Variants in NUCB2 observed in about 807,000 individuals in gnomAD.
The protein encoded by NUCB2 is nucleobindin 2.
In NUCB2, 48 loss-of-function variants were observed where a neutral mutation model predicts 57.9. That is an observed-to-expected ratio of 0.83 (90% CI 0.66 to 1.05). NUCB2 has a LOEUF of 1.05. Ranked by LOEUF, NUCB2 falls within the 50% of genes least tolerant of loss-of-function variation. The pLI is 0.00. For missense variants in NUCB2, 442 were observed against 476.2 expected (o/e 0.93, Z 0.67); for synonymous variants, 139 against 152.1 (o/e 0.91, Z 0.64).
chr11:17,312,219 A>G (rs935103638), intron 10 of NUCB2, 99 bp downstream of exon 10: 4 of 739,268 alleles, frequency 5.4e-6, no homozygotes, highest in Non-Finnish European at 8.7e-6. Flanking sequence ...TTGTATTTAA[A>G]TGGAGTTTGC....
chr11:17,306,173 G>T (rs1413984058), intron 5 of NUCB2, among the ~76,000 whole-genome samples: 1 of 152,062 alleles, frequency 6.6e-6, no homozygotes, highest in African/African-American at 2.4e-5. Context: ...TTTCAAGCTG[G>T]TTCATGTGTC....
intron 5 of NUCB2, among the ~76,000 whole-genome samples, chr11:17,304,057 G>A (rs1403070336): frequency 6.6e-6 from 1 of 152,058 alleles, no homozygotes; most frequent in Non-Finnish European, 1.5e-5. Flanking sequence ...ATCATACTTA[G>A]TGGGGAAGCA....
chr11:17,319,798 G>A (rs551814118), intron 11 of NUCB2, among the ~76,000 whole-genome samples: 1 of 152,060 alleles, frequency 6.6e-6, no homozygotes, highest in African/African-American at 2.4e-5. Context: ...ATAAACTTGT[G>A]TCATGGGGTT....
chr11:17,288,950 C>CACACACACACACAT (rs1944414979), intron 2 of NUCB2, among the ~76,000 whole-genome samples: 3 of 33,160 alleles, frequency 9.0e-5, no homozygotes, highest in African/African-American at 2.4e-4. Flanking sequence ...CACACACACA[C>CACACACACACACAT]ATATATATAT....
intron 2 of NUCB2, among the ~76,000 whole-genome samples, chr11:17,287,009 A>G (rs1382952803): frequency 6.6e-6 from 1 of 152,162 alleles, no homozygotes; most frequent in African/African-American, 2.4e-5. Flanking sequence ...TTATGTCTAG[A>G]ATAAGCACTA....
intron 3 of NUCB2, 94 bp from the exon 4 acceptor site, chr11:17,296,010 C>T: frequency 1.9e-5 from 11 of 591,268 alleles, no homozygotes; most frequent in South Asian, 5.4e-5. Flanking sequence ...GTCTTAATGC[C>T]ATTTTGCTAG....
intron 4 of NUCB2, among the ~76,000 whole-genome samples, chr11:17,300,092 C>T (rs1946451401): frequency 2.6e-5 from 4 of 151,958 alleles, no homozygotes; most frequent in Non-Finnish European, 5.9e-5. Context: ...CTTACTACAA[C>T]CTCCACCTTC....
At chr11:17,284,190 G>A (rs1017248595) in intron 2 of NUCB2, among the ~76,000 whole-genome samples, 1 of 152,130 alleles carries the variant, frequency 6.6e-6, no homozygotes, top group South Asian at 2.1e-4. Flanking sequence ...ACTAATTTTT[G>A]TATTTTTAGT....
At chr11:17,323,744 C>T (rs1950321053) in intron 11 of NUCB2, among the ~76,000 whole-genome samples, 1 of 152,034 alleles carries the variant, frequency 6.6e-6, no homozygotes, top group African/African-American at 2.4e-5. Flanking sequence ...GCCTTGATTT[C>T]ATTACTTGTT....
chr11:17,276,756 C>G lies in NUCB2; in HGVS notation c.-228C>G, dbSNP rs974522698. The G allele has an allele frequency of 2.0e-5, 3 of 152,518 alleles. No individual in the cohort carries two copies. The highest frequency in any genetic ancestry group is 4.4e-5 in the Non-Finnish European group (3 of 68,388). The allele number at this position is 152,518 out of a possible 1,614,324, so 9.4% of individuals were successfully genotyped here. A position where few individuals can be genotyped will look rare whatever the true frequency, so the allele number is the denominator to read the frequency against. ...GGAGGGGCAGAGCGGAGCGGTGGGC[C>G]GGGGGCTGGAGGACAGGTTTGTGCG... On this transcript the variant is annotated 5_prime_UTR_variant, in exon 1 of 14. Coordinates refer to ENST00000529010, the MANE Select transcript of NUCB2 (RefSeq NM_005013.4).
intron 4 of NUCB2, among the ~76,000 whole-genome samples, chr11:17,300,302 G>T (rs1010280173): frequency 6.6e-6 from 1 of 152,136 alleles, no homozygotes; most frequent in African/African-American, 2.4e-5. Context: ...GGGAGCCACT[G>T]CACCCTGCCA....
At chr11:17,316,432 G>GC (rs1949259597) in intron 11 of NUCB2, among the ~76,000 whole-genome samples, 1 of 151,998 alleles carries the variant, frequency 6.6e-6, no homozygotes, top group African/African-American at 2.4e-5. Context: ...CAGTTATATG[G>GC]CTGTAGCATA....
chr11:17,282,752 C>A (rs760293690), intron 1 of NUCB2, 37 bp from the exon 2 acceptor site: 2 of 151,920 alleles, frequency 1.3e-5, no homozygotes, highest in Non-Finnish European at 2.9e-5. Context: ...GATTTTGTGT[C>A]TTTTATTTAT....
intron 5 of NUCB2, among the ~76,000 whole-genome samples, chr11:17,307,272 T>A (rs1462447899): frequency 2.0e-5 from 3 of 151,920 alleles, no homozygotes; most frequent in Non-Finnish European, 4.4e-5. Flanking sequence ...TCCTGTCAGT[T>A]CCCAATGTCC....
At chr11:17,348,148 A>G (rs558267575) in intron 2 of NUCB2, among the ~76,000 whole-genome samples, 7 of 151,864 alleles carry the variant, frequency 4.6e-5, no homozygotes, top group Non-Finnish European at 8.8e-5. Flanking sequence ...GGATCTTGCT[A>G]TGTTGGCCAG....
chr11:17,308,822 GTGATCCATTGGAGC>G (rs1948074117), intron 5 of NUCB2, among the ~76,000 whole-genome samples: 1 of 151,998 alleles, frequency 6.6e-6, no homozygotes, highest in Non-Finnish European at 1.5e-5. Flanking sequence ...TGTTTCATAA[GTGATCCATTGGAGC>G]AATATACAAG....
chr11:17,284,625 A>G (rs899666065), intron 2 of NUCB2, among the ~76,000 whole-genome samples: 1 of 152,184 alleles, frequency 6.6e-6, no homozygotes, highest in Non-Finnish European at 1.5e-5. Context: ...TGCTGCTAGT[A>G]TTGCAGTTTC....
chr11:17,309,763 CT>C, intron 6 of NUCB2, 88 bp downstream of exon 6: 1 of 780,964 alleles, frequency 1.3e-6, no homozygotes, highest in Non-Finnish European at 2.1e-6. Flanking sequence ...GGAAATATAA[CT>C]TTTATATATT....
intron 2 of NUCB2, among the ~76,000 whole-genome samples, chr11:17,347,692 G>T (rs78537948): frequency 0.01 from 1,550 of 152,244 alleles, 27 homozygotes; most frequent in African/African-American, 0.035. Context: ...TCCAGGATTT[G>T]TGTGTTGGAT....
Sources: gnomAD v4.1 joint callset for allele counts (sites outside exome capture counted in the v4.1 genomes callset) on GRCh38, gnomAD v4.1.1 for gene constraint, MANE v1.5 for transcripts, NCBI Gene and HGNC (gene_info 2026-07-23, HGNC 2026-07-21) for gene names.